The following NETO1 variants were observed in gnomAD, a reference collection of about 807,000 sequenced individuals.
NETO1 encodes the protein neuropilin and tolloid like 1, also known as neuropilin and tolloid-like protein 1.
NETO1 carries 26 observed loss-of-function variants against 61.3 expected under a neutral mutation model. The observed-to-expected ratio is 0.42, with a 90% CI of 0.31 to 0.59. The LOEUF is 0.59. NETO1 is among the 20% of genes least tolerant of loss of function. The probability of loss-of-function intolerance (pLI) is 0.12; values close to 1 mark genes in which losing one functional copy is unlikely to be tolerated. For synonymous variants in NETO1, 225 were observed against 225.8 expected (o/e 1.00, Z 0.03); for missense variants, 531 against 662.8 (o/e 0.80, Z 2.18).
chr18:72,831,216 C>A (rs1020884803), intron 4 of NETO1, among the ~76,000 whole-genome samples: 2 of 152,202 alleles, frequency 1.3e-5, no homozygotes, highest in African/African-American at 4.8e-5. Flanking sequence ...TTTCTACCAC[C>A]ACCTCCATAC....
intron 6 of NETO1, among the ~76,000 whole-genome samples, chr18:72,790,839 T>C (rs981859621): frequency 1.9e-4 from 29 of 152,164 alleles, no homozygotes; most frequent in African/African-American, 6.8e-4. Context: ...GAGTTTTACT[T>C]GAGTCACAGA....
intron 4 of NETO1, among the ~76,000 whole-genome samples, chr18:72,823,437 T>C (rs2073271900): frequency 6.6e-6 from 1 of 152,006 alleles, no homozygotes; most frequent in South Asian, 2.1e-4. Context: ...GTGAGGGACC[T>C]AAGGGAAGAG....
chr18:72,844,426 T>G (rs187910977), intron 4 of NETO1, among the ~76,000 whole-genome samples: 39 of 152,334 alleles, frequency 2.6e-4, no homozygotes, highest in African/African-American at 9.4e-4. Flanking sequence ...ACTATTCAAT[T>G]TAAAACATTA....
At chr18:72,832,992 C>T (rs2073629630) in intron 4 of NETO1, among the ~76,000 whole-genome samples, 1 of 152,148 alleles carries the variant, frequency 6.6e-6, no homozygotes, top group Non-Finnish European at 1.5e-5. Flanking sequence ...CTCTAATGCT[C>T]TTCATATTCT....
At chr18:72,844,149 C>A (rs905128292) in intron 4 of NETO1, among the ~76,000 whole-genome samples, 4 of 152,108 alleles carry the variant, frequency 2.6e-5, no homozygotes, top group African/African-American at 9.7e-5. Context: ...ATTAACCAAC[C>A]ACCAAATTAC....
intron 4 of NETO1, among the ~76,000 whole-genome samples, chr18:72,851,312 G>T (rs1368760117): frequency 1.3e-5 from 2 of 152,088 alleles, no homozygotes; most frequent in African/African-American, 2.4e-5. Flanking sequence ...TAGGGAGGCT[G>T]AGGCAGGAGA....
intron 4 of NETO1, among the ~76,000 whole-genome samples, chr18:72,826,544 C>A (rs2073379579): frequency 6.6e-6 from 1 of 151,170 alleles, no homozygotes; most frequent in African/African-American, 2.4e-5. Flanking sequence ...TTTCACAATT[C>A]CTTTTTTCTC....
At chr18:72,810,469 T>C (rs1437335165) in intron 4 of NETO1, among the ~76,000 whole-genome samples, 5 of 152,200 alleles carry the variant, frequency 3.3e-5, no homozygotes, top group African/African-American at 1.2e-4. Flanking sequence ...TGCAAACGTA[T>C]CATCTCTTAA....
At chr18:72,837,841 G>A (rs1235789487) in intron 4 of NETO1, among the ~76,000 whole-genome samples, 1 of 152,130 alleles carries the variant, frequency 6.6e-6, no homozygotes, top group African/African-American at 2.4e-5. Context: ...CTTTCTGATA[G>A]TAAAGCTGCG....
At chr18:72,818,541 T>A (rs2073095207) in intron 4 of NETO1, among the ~76,000 whole-genome samples, 2 of 152,134 alleles carry the variant, frequency 1.3e-5, no homozygotes, top group African/African-American at 4.8e-5. Flanking sequence ...ATTTCATTTT[T>A]AGAAAAAAAT....
intron 4 of NETO1, among the ~76,000 whole-genome samples, chr18:72,815,042 T>C (rs912076606): frequency 1.3e-5 from 2 of 152,178 alleles, no homozygotes; most frequent in Non-Finnish European, 2.9e-5. Flanking sequence ...ATTTACAGTT[T>C]TAAATCCCTG....
intron 3 of NETO1, among the ~76,000 whole-genome samples, chr18:72,860,077 C>A (rs1257966647): frequency 6.6e-6 from 1 of 152,188 alleles, no homozygotes; most frequent in Non-Finnish European, 1.5e-5. Context: ...TTTCATTCTT[C>A]CCCTGGTACG....
At chr18:72,756,297 C>G in intron 7 of NETO1, 150 bp from the exon 8 acceptor site, 1 of 527,962 alleles carries the variant, frequency 1.9e-6, no homozygotes, top group Non-Finnish European at 3.4e-6. Context: ...AGAAACGGTG[C>G]CGTAGTGGTA....
At chr18:72,838,504 TG>T (rs1474860080) in intron 4 of NETO1, among the ~76,000 whole-genome samples, 2 of 152,154 alleles carry the variant, frequency 1.3e-5, no homozygotes, top group Non-Finnish European at 2.9e-5. Flanking sequence ...AACCAAGAGG[TG>T]GTAGTACAGG....
intron 7 of NETO1, among the ~76,000 whole-genome samples, chr18:72,766,220 A>ATATGTGTG (rs1491565058): frequency 9.7e-5 from 14 of 144,762 alleles, no homozygotes; most frequent in African/African-American, 3.6e-4. Context: ...AAAAAAAAAT[A>ATATGTGTG]TGTGTGTGTG....
At chr18:72,835,985 GC>G in intron 4 of NETO1, among the ~76,000 whole-genome samples, 1 of 152,312 alleles carries the variant, frequency 6.6e-6, no homozygotes, top group East Asian at 1.9e-4. Context: ...AGACGGGGCA[GC>G]TTCTTGGCCT....
intron 4 of NETO1, among the ~76,000 whole-genome samples, chr18:72,795,687 A>C (rs1045797034): frequency 6.6e-6 from 1 of 152,062 alleles, no homozygotes; most frequent in Non-Finnish European, 1.5e-5. Flanking sequence ...ATATGTGTAC[A>C]TTGTCAAATG....
intron 4 of NETO1, among the ~76,000 whole-genome samples, chr18:72,842,971 A>T (rs2073980572): frequency 6.6e-6 from 1 of 152,226 alleles, no homozygotes; most frequent in South Asian, 2.1e-4. Flanking sequence ...AGAAAGCAGA[A>T]ATCACTGCCT....
intron 4 of NETO1, among the ~76,000 whole-genome samples, chr18:72,832,368 A>G (rs2073609033): frequency 6.6e-6 from 1 of 152,192 alleles, no homozygotes; most frequent in African/African-American, 2.4e-5. Flanking sequence ...AAATTAGAGA[A>G]AGGTGCATTA....
Sources: gnomAD v4.1 joint callset for allele counts (sites outside exome capture counted in the v4.1 genomes callset) on GRCh38, gnomAD v4.1.1 for gene constraint, MANE v1.5 for transcripts, NCBI Gene and HGNC (gene_info 2026-07-23, HGNC 2026-07-21) for gene names.